ABTB3: variants seen among roughly 807,000 people sequenced by gnomAD.
ABTB3 encodes the protein ankyrin repeat and BTB domain containing 3.
At chr12:107,362,867 C>T in the ABTB3 span, among the ~76,000 whole-genome samples, 2 of 151,842 alleles carry the variant, frequency 1.3e-5, no homozygotes, top group Non-Finnish European at 2.9e-5. Context: ...TTTGATTCTT[C>T]TAACAATGAG....
chr12:107,596,349 C>T, the ABTB3 span, among the ~76,000 whole-genome samples: 4 of 152,186 alleles, frequency 2.6e-5, no homozygotes, highest in Non-Finnish European at 4.4e-5. Flanking sequence ...TGCAGTGGCT[C>T]ACGCCTGTAA....
At chr12:107,452,399 G>T in the ABTB3 span, among the ~76,000 whole-genome samples, 69 of 151,786 alleles carry the variant, frequency 4.5e-4, no homozygotes, top group South Asian at 8.3e-4. Context: ...GTAGAGACGG[G>T]GTTTCACTGT....
the ABTB3 span, chr12:107,640,287 C>T: frequency 7.2e-7 from 1 of 1,388,170 alleles, no homozygotes; most frequent in Non-Finnish European, 1.0e-6. Context: ...CTAAAGCTAC[C>T]TTTTTTTCCC....
At chr12:107,645,447 C>T in the ABTB3 span, among the ~76,000 whole-genome samples, 1 of 152,184 alleles carries the variant, frequency 6.6e-6, no homozygotes, top group Non-Finnish European at 1.5e-5. Flanking sequence ...GGTCCAGGTT[C>T]CCGCTGCTGC....
At chr12:107,454,232 C>T in the ABTB3 span, among the ~76,000 whole-genome samples, 7 of 152,362 alleles carry the variant, frequency 4.6e-5, no homozygotes, top group African/African-American at 1.2e-4. Flanking sequence ...AAGATCCACA[C>T]GTGAATAGGC....
At chr12:107,630,244 G>A in the ABTB3 span, among the ~76,000 whole-genome samples, 1 of 152,192 alleles carries the variant, frequency 6.6e-6, no homozygotes, top group Admixed American at 6.5e-5. Flanking sequence ...CCGGGAACCA[G>A]CCAGTGCTTG....
chr12:107,470,389 T>C, the ABTB3 span, among the ~76,000 whole-genome samples: 2 of 152,116 alleles, frequency 1.3e-5, no homozygotes, highest in East Asian at 1.9e-4. Context: ...CAAAAATATT[T>C]AGTTCCTTCC....
the ABTB3 span, among the ~76,000 whole-genome samples, chr12:107,332,122 T>G: frequency 1.3e-5 from 2 of 152,214 alleles, no homozygotes; most frequent in Non-Finnish European, 2.9e-5. Flanking sequence ...AAGGCGTCAC[T>G]TGGCTCAGGC....
chr12:107,479,058 G>C, the ABTB3 span, among the ~76,000 whole-genome samples: 1 of 152,142 alleles, frequency 6.6e-6, no homozygotes, highest in South Asian at 2.1e-4. Context: ...AGAATGAACA[G>C]GTTTTGAAAA....
chr12:107,649,293 T>C, the ABTB3 span: 3 of 1,607,400 alleles, frequency 1.9e-6, no homozygotes, highest in East Asian at 6.7e-5. Flanking sequence ...TCCATTGTGG[T>C]GTTGGCTATC....
At chr12:107,536,149 C>A in the ABTB3 span, among the ~76,000 whole-genome samples, 1 of 152,238 alleles carries the variant, frequency 6.6e-6, no homozygotes, top group African/African-American at 2.4e-5. Flanking sequence ...AAAGGACACT[C>A]TTTTCAATAA....
At chr12:107,610,102 C>T in the ABTB3 span, 18 of 1,487,112 alleles carry the variant, frequency 1.2e-5, no homozygotes, top group Non-Finnish European at 1.7e-5. Flanking sequence ...AAAGCAAATG[C>T]AATGTCCCAG....
At chr12:107,512,626 G>T in the ABTB3 span, among the ~76,000 whole-genome samples, 1 of 152,176 alleles carries the variant, frequency 6.6e-6, no homozygotes, top group Non-Finnish European at 1.5e-5. Context: ...AGTAGGGATT[G>T]AGTAACCAAG....
chr12:107,526,788 G>A, the ABTB3 span, among the ~76,000 whole-genome samples: 2 of 152,102 alleles, frequency 1.3e-5, no homozygotes, highest in African/African-American at 2.4e-5. Context: ...TCTCTCCTCA[G>A]TGTCACAAGA....
the ABTB3 span, among the ~76,000 whole-genome samples, chr12:107,573,015 C>A: frequency 6.6e-6 from 1 of 152,170 alleles, no homozygotes; most frequent in South Asian, 2.1e-4. Flanking sequence ...TTGCCATTTG[C>A]CCCATTTCAG....
At chr12:107,595,920 AAT>A in the ABTB3 span, among the ~76,000 whole-genome samples, 8 of 152,078 alleles carry the variant, frequency 5.3e-5, no homozygotes, top group African/African-American at 1.9e-4. Context: ...ATAAATAGGT[AAT>A]ATATATAAGC....
the ABTB3 span, among the ~76,000 whole-genome samples, chr12:107,377,414 AGTGTGTGTGTGTGTGT>A: frequency 2.0e-5 from 3 of 146,622 alleles, no homozygotes; most frequent in African/African-American, 7.6e-5. Context: ...AGAGAGCAAG[AGTGTGTGTGTGTGTGT>A]GTGTGTGTGT....
the ABTB3 span, chr12:107,581,262 GGCT>G: frequency 2.0e-6 from 3 of 1,510,248 alleles, no homozygotes; most frequent in East Asian, 2.6e-5. Context: ...CAGGCGGCCC[GGCT>G]GCTGCTGCCC....
the ABTB3 span, among the ~76,000 whole-genome samples, chr12:107,625,765 G>T: frequency 2.6e-5 from 4 of 152,014 alleles, no homozygotes; most frequent in African/African-American, 7.2e-5. Context: ...GGGTGTCAGG[G>T]GGTGGGGGCA....
Sources: gnomAD v4.1 joint callset for allele counts (sites outside exome capture counted in the v4.1 genomes callset) on GRCh38, gnomAD v4.1.1 for gene constraint, MANE v1.5 for transcripts, NCBI Gene and HGNC (gene_info 2026-07-23, HGNC 2026-07-21) for gene names.